BFSP1: variants seen among roughly 807,000 people sequenced by gnomAD.
BFSP1 encodes the protein filensin.
BFSP1 carries 38 observed loss-of-function variants against 43.9 expected under a neutral mutation model. That is an observed-to-expected ratio of 0.87 (90% confidence interval 0.67 to 1.14). BFSP1 has a LOEUF of 1.14. BFSP1 is among the 50% of genes most tolerant of loss of function. The pLI is 0.00. For missense variants in BFSP1, 850 were observed against 875.1 expected, an observed-to-expected ratio of 0.97 and a Z score of 0.36; for synonymous variants, 352 against 354.8, an observed-to-expected ratio of 0.99 and a Z score of 0.09.
chr20:17,556,131 G>C (rs1299571499), intron 1 of BFSP1, among the ~76,000 whole-genome samples: 1 of 152,128 alleles, frequency 6.6e-6, no homozygotes, highest in Non-Finnish European at 1.5e-5. Flanking sequence ...AAAAAATAAA[G>C]TTAGGTATCT....
Position 17,494,038 on chromosome 20 carries a change from C to A in BFSP1, c.*36G>T. On this transcript the variant is annotated 3_prime_UTR_variant, in exon 8 of 8. Coordinates refer to ENST00000377873, the MANE Select transcript of BFSP1 (RefSeq NM_001195.5). ...TATCAAAGCATTACCCCTACAGTGG[C>A]CCCAAATACATTTTATCCCATCAAG... 1.3e-6 allele frequency: 2 copies of A among 1,541,144 alleles called. No individual in the cohort carries two copies. Among genetic ancestry groups the A allele is most frequent in the Non-Finnish European group, 1.8e-6 (2 of 1,130,918 alleles).
rs767602858 is a variant in BFSP1 at position 17,494,309 on chromosome 20, G to T, written c.1763C>A (p.Pro588His). ...PGAEEPSIPE[P>H]PKPAADQDGA... ...ATCCTGATCAGCCGCAGGCTTTGGA[G>T]GCTCAGGTATAGATGGTTCCTCTGC... Residue 588 changes from proline (P) to histidine (H), a missense_variant, in exon 8 of 8, where the codon CCT becomes CAT. Pro to His is a moderately conservative substitution (Grantham distance 77). Transcript: ENST00000377873. 6.2e-7 allele frequency: 1 copy of T among 1,614,208 alleles called. No individual in the cohort carries two copies. Among genetic ancestry groups the T allele is most frequent in the Non-Finnish European group, 8.5e-7 (1 of 1,180,044 alleles).
In BFSP1 at chr20:17,508,950, A is replaced by T. The variant is rs781380848; in HGVS notation, c.674T>A (p.Leu225Gln). The change falls in exon 5 of 8, where the codon CTG (leucine) becomes CAG (glutamine). Residue 225 changes from leucine to glutamine, a missense_variant. Leu to Gln is a moderately radical substitution (Grantham distance 113). Transcript: ENST00000377873. ...GGAGAGCACCTCCCGGCCCTCCTCC[A>T]GCTGACTCCGCAGGGCGGCCACCTC... ...EREVAALRSQ[L>Q]EEGREVLSHL... is the part of the protein sequence containing the mutation. 2.5e-6 allele frequency: 4 copies of T among 1,604,612 alleles called. No individual in the cohort carries two copies. The African/African-American group carries it at 4.0e-5, about 16-fold the overall frequency.
chr20:17,563,879 C>A (rs1259109052), upstream of BFSP1, among the ~76,000 whole-genome samples: 1 of 130,846 alleles, frequency 7.6e-6, no homozygotes, highest in East Asian at 2.3e-4. Flanking sequence ...AGAGCGAGAC[C>A]GTGTCTAAAA....
chr20:17,497,453 T>TACACAC (rs1476143304), intron 6 of BFSP1, among the ~76,000 whole-genome samples: 58 of 27,360 alleles, frequency 2.1e-3, no homozygotes, highest in African/African-American at 0.013. Flanking sequence ...TGTATGTATA[T>TACACAC]ATATATACAC....
upstream of BFSP1, among the ~76,000 whole-genome samples, chr20:17,562,256 G>A (rs1013894976): frequency 2.2e-5 from 3 of 137,656 alleles, no homozygotes; most frequent in Non-Finnish European, 4.7e-5. Context: ...GGCCGGGAGC[G>A]ATGGCTCACG....
intron 1 of BFSP1, among the ~76,000 whole-genome samples, chr20:17,544,032 AAGTC>A (rs2034762457): frequency 6.6e-6 from 1 of 152,206 alleles, no homozygotes; most frequent in Non-Finnish European, 1.5e-5. Flanking sequence ...TCTTAGCTTG[AAGTC>A]CCCCAGAAGC....
intron 5 of BFSP1, among the ~76,000 whole-genome samples, chr20:17,503,845 G>A (rs1335812201): frequency 2.0e-5 from 3 of 152,194 alleles, no homozygotes; most frequent in African/African-American, 7.2e-5. Context: ...AAGTCAGTGT[G>A]AGCCATGCAG....
intron 1 of BFSP1, among the ~76,000 whole-genome samples, chr20:17,549,286 C>T (rs2034857224): frequency 6.6e-6 from 1 of 152,166 alleles, no homozygotes; most frequent in Admixed American, 6.5e-5. Flanking sequence ...TAAAGAAATA[C>T]CAAGACTGAG....
At chr20:17,542,739 G>A (rs964273797) in intron 1 of BFSP1, among the ~76,000 whole-genome samples, 5 of 152,120 alleles carry the variant, frequency 3.3e-5, no homozygotes, top group Non-Finnish European at 5.9e-5. Flanking sequence ...TAAGTGTATT[G>A]TTTAACATGG....
intron 6 of BFSP1, among the ~76,000 whole-genome samples, chr20:17,497,623 C>T (rs201605940): frequency 0.19 from 23,090 of 120,982 alleles, 1,983 homozygotes; most frequent in African/African-American, 0.27. Flanking sequence ...TATACATATA[C>T]ACACACATAT....
chr20:17,508,939 G>C lies in BFSP1; in HGVS notation c.685C>G (p.Arg229Gly), dbSNP rs372210205. The change falls in exon 5 of 8, where the codon CGG (arginine) becomes GGG (glycine). Residue 229 changes from arginine to glycine, a missense_variant. Transcript: ENST00000377873. The stretch of plus-strand genomic sequence containing the variant: ...GCCTGCAGGTGGGAGAGCACCTCCC[G>C]GCCCTCCTCCAGCTGACTCCGCAGG... ...AALRSQLEEG[R>G]EVLSHLQAQR... 7 of 1,605,130 alleles carry C rather than the reference G, an allele frequency of 4.4e-6. No homozygotes were observed. The highest frequency in any genetic ancestry group is 5.9e-6 in the Non-Finnish European group (7 of 1,176,540).
Position 17,505,644 on chromosome 20 carries a change from C to G in BFSP1, c.735+3245G>C, listed in dbSNP as rs963876009. 5.3e-5 allele frequency among the ~76,000 whole-genome samples: 8 copies of G among 152,250 alleles called. No individual in the cohort carries two copies. The South Asian group carries it at 1.2e-3, about 24-fold the overall frequency. ...CTAAAACCTTTAAAACCAGCAAAAA[C>G]CCAGCCACAAACATTTGAAATGAGG... On this transcript the variant is annotated intron_variant, in intron 5 of 7. Transcript: ENST00000377873.
At position 17,494,598 on chromosome 20, in the gene BFSP1, T is replaced by C. The variant is rs2033582592; in HGVS notation, c.1474A>G (p.Lys492Glu). Residue 492 changes from lysine (K) to glutamate (E), a missense_variant, in exon 8 of 8, where the codon AAA (lysine) becomes GAA (glutamate). By Grantham distance (56) the Lys-to-Glu change is moderately conservative. Coordinates refer to ENST00000377873, the MANE Select transcript of BFSP1 (RefSeq NM_001195.5). ...PRFYVSSITA[K>E]GGVAVSVAED... ...GCAACAGAAACAGCCACCCCACCTT[T>C]AGCTGTGATGGAGGAGACATAGAAT... 2 of 1,614,062 alleles carry C rather than the reference T, an allele frequency of 1.2e-6. No homozygotes were observed. Among genetic ancestry groups the C allele is most frequent in the Non-Finnish European group, 1.7e-6 (2 of 1,180,046 alleles).
chr20:17,530,504 T>C (rs1021843670), intron 1 of BFSP1, among the ~76,000 whole-genome samples: 8 of 152,218 alleles, frequency 5.3e-5, no homozygotes, highest in African/African-American at 1.9e-4. Context: ...AACTGTAGAA[T>C]AGGCAAAGTC....
intron 1 of BFSP1, among the ~76,000 whole-genome samples, chr20:17,527,947 G>A (rs1284787618): frequency 1.3e-5 from 2 of 152,130 alleles, no homozygotes; most frequent in African/African-American, 4.8e-5. Context: ...TTTATTCAGT[G>A]TTTTGTTTAG....
chr20:17,514,750 TATC>T lies in BFSP1; in HGVS notation c.502_504del (p.Asp168del). ...TTGTGCCTGTCCTTTGCCGCACTGA[TATC>T]ATCTTGCAGAAATTGGGCTTCCAGC... is the stretch of plus-strand genomic sequence containing the variant. On this transcript the variant is annotated inframe_deletion, in exon 3 of 8. Coordinates refer to ENST00000377873, the MANE Select transcript of BFSP1 (RefSeq NM_001195.5). 1 of 1,614,064 alleles carries T rather than the reference TATC, an allele frequency of 6.2e-7. No individual in the cohort carries two copies. Among genetic ancestry groups the T allele is most frequent in the Non-Finnish European group, 8.5e-7 (1 of 1,179,948 alleles).
chr20:17,558,865 G>T, exon 1 of BFSP1: 1 of 829,446 alleles, frequency 1.2e-6, no homozygotes, highest in Non-Finnish European at 1.8e-6. Flanking sequence ...CAGAGAGGAA[G>T]TGACTCACTG....
intron 2 of BFSP1, among the ~76,000 whole-genome samples, chr20:17,517,724 A>G (rs1212123076): frequency 6.6e-6 from 1 of 152,238 alleles, no homozygotes; most frequent in Non-Finnish European, 1.5e-5. Context: ...TAGTAGTGAG[A>G]TATCTTCCAT....
Sources: gnomAD v4.1 joint callset for allele counts (sites outside exome capture counted in the v4.1 genomes callset) on GRCh38, gnomAD v4.1.1 for gene constraint, MANE v1.5 for transcripts, NCBI Gene and HGNC (gene_info 2026-07-23, HGNC 2026-07-21) for gene names.